Variants in CBR4 observed in about 807,000 individuals in gnomAD.
CBR4 encodes 3-oxoacyl-[acyl-carrier-protein] reductase.
CBR4 carries 22 observed loss-of-function variants against 21.0 expected under a neutral mutation model. The ratio of observed to expected loss-of-function variants is 1.05; its 90% CI spans 0.75 to 1.50. The LOEUF (loss-of-function observed/expected upper bound fraction) is 1.50, where lower values mean the gene tolerates loss of function less well. Ranked by LOEUF, CBR4 falls within the 40% of genes most tolerant of loss-of-function variation. The pLI is 0.00. For synonymous variants in CBR4, 100 were observed against 104.4 expected (o/e 0.96, Z 0.26); for missense variants, 302 against 286.3 (o/e 1.05, Z -0.40).
At chr4:168,926,509 C>A (rs1021376806) in intron 2 of CBR4, 2 of 657,488 alleles carry the variant, frequency 3.0e-6, no homozygotes, top group Non-Finnish European at 5.0e-6. Flanking sequence ...AAAAAAACAC[C>A]AAAATAATAT....
downstream of CBR4, among the ~76,000 whole-genome samples, chr4:168,984,634 A>G (rs529403229): frequency 6.6e-6 from 1 of 152,358 alleles, no homozygotes; most frequent in South Asian, 2.1e-4. Flanking sequence ...ACAAAGCTGG[A>G]GGCATCACAC....
chr4:168,982,296 C>G (rs1355188981), intron 2 of CBR4, among the ~76,000 whole-genome samples: 1 of 151,960 alleles, frequency 6.6e-6, no homozygotes, highest in African/African-American at 2.4e-5. Flanking sequence ...AACTTTAAAC[C>G]AACAATGATC....
chr4:168,934,235 C>G (rs1400567574), intron 2 of CBR4, among the ~76,000 whole-genome samples: 2 of 117,076 alleles, frequency 1.7e-5, no homozygotes, highest in African/African-American at 6.4e-5. Context: ...CTGGCAAGAC[C>G]CAGTCTCCAA....
chr4:168,903,257 C>T (rs908192589), intron 2 of CBR4, among the ~76,000 whole-genome samples: 4 of 152,186 alleles, frequency 2.6e-5, no homozygotes, highest in Non-Finnish European at 5.9e-5. Context: ...TCCCTACCAA[C>T]CTCTTTTATT....
At chr4:168,919,625 A>C (rs1761018462) in intron 2 of CBR4, among the ~76,000 whole-genome samples, 1 of 151,982 alleles carries the variant, frequency 6.6e-6, no homozygotes, top group African/African-American at 2.4e-5. Flanking sequence ...AATCCTGACG[A>C]TAAGCCAAAC....
chr4:168,897,561 C>T (rs1029165964), intron 2 of CBR4, among the ~76,000 whole-genome samples: 62 of 152,286 alleles, frequency 4.1e-4, no homozygotes, highest in African/African-American at 1.5e-3. Context: ...ATCCTCCCAC[C>T]TCAGCCTCCC....
At chr4:168,971,553 G>T (rs1009651861) in intron 2 of CBR4, among the ~76,000 whole-genome samples, 10 of 151,544 alleles carry the variant, frequency 6.6e-5, no homozygotes, top group Non-Finnish European at 1.3e-4. Flanking sequence ...CAAAGTGCTG[G>T]GATTAGAGGC....
At chr4:168,996,061 G>A (rs1392834134) in intron 4 of CBR4, among the ~76,000 whole-genome samples, 1 of 152,136 alleles carries the variant, frequency 6.6e-6, no homozygotes, top group Admixed American at 6.5e-5. Context: ...TAGAAGATAA[G>A]GGTGTGATTT....
intron 2 of CBR4, chr4:168,924,958 A>T: frequency 6.2e-7 from 1 of 1,614,168 alleles, no homozygotes; most frequent in Non-Finnish European, 8.5e-7. Context: ...GCACCAGGAC[A>T]ACCACGGCTA....
intron 1 of CBR4, among the ~76,000 whole-genome samples, chr4:169,008,743 T>C (rs1731132112): frequency 6.6e-6 from 1 of 152,164 alleles, no homozygotes; most frequent in Admixed American, 6.5e-5. Flanking sequence ...ACTGATGGCT[T>C]GGGGTGACAC....
At chr4:168,917,542 T>A (rs1478617001) in intron 2 of CBR4, among the ~76,000 whole-genome samples, 2 of 152,196 alleles carry the variant, frequency 1.3e-5, no homozygotes, top group African/African-American at 2.4e-5. Flanking sequence ...TGTTTACTGA[T>A]CTTAAATTTA....
rs1762581825 is a variant in CBR4 at position 168,926,377 on chromosome 4, G to A, written n.170-31612C>T. The A allele has an allele frequency of 1.3e-6, 2 of 1,536,622 alleles. No individual in the cohort carries two copies. The highest frequency in any genetic ancestry group is 8.7e-7 in the Non-Finnish European group (1 of 1,146,350). On this transcript the variant is annotated intron_variant and non_coding_transcript_variant, in intron 2 of 3. Coordinates refer to the CBR4 transcript ENST00000509108. ...GAATACTGCCTTGGTAGAAAGTGAGGACCTGTAATCCAGCATTCTTGTTAA... is the reference window on the plus strand; with the variant it reads ...GAATACTGCCTTGGTAGAAAGTGAGAACCTGTAATCCAGCATTCTTGTTAA...
intron 4 of CBR4, among the ~76,000 whole-genome samples, chr4:168,999,382 A>T (rs1730216227): frequency 6.6e-6 from 1 of 152,108 alleles, no homozygotes; most frequent in Non-Finnish European, 1.5e-5. Flanking sequence ...TAAAGTTGGT[A>T]AGTAATCCAC....
chr4:168,895,283 G>A (rs1013049410), intron 2 of CBR4, among the ~76,000 whole-genome samples: 1 of 152,220 alleles, frequency 6.6e-6, no homozygotes, highest in Non-Finnish European at 1.5e-5. Context: ...TCGGGAAGCT[G>A]AGGCAGGAGA....
intron 2 of CBR4, among the ~76,000 whole-genome samples, chr4:168,973,132 T>C (rs1764262184): frequency 6.6e-6 from 1 of 152,230 alleles, no homozygotes; most frequent in South Asian, 2.1e-4. Flanking sequence ...ATACACTTGA[T>C]CATGGTGCAT....
chr4:168,936,945 AC>A (rs1239247959), intron 2 of CBR4, among the ~76,000 whole-genome samples: 17 of 152,018 alleles, frequency 1.1e-4, no homozygotes, highest in Non-Finnish European at 1.8e-4. Context: ...AAACAAAGAT[AC>A]TCCTCGAGAA....
chr4:169,004,371 ACATT>A (rs774577124), intron 3 of CBR4, among the ~76,000 whole-genome samples: 1 of 152,246 alleles, frequency 6.6e-6, no homozygotes. Context: ...AAAATTTGCC[ACATT>A]GATTGACTCT....
chr4:168,996,663 T>G (rs1254126222), intron 4 of CBR4, among the ~76,000 whole-genome samples: 2 of 152,210 alleles, frequency 1.3e-5, no homozygotes, highest in African/African-American at 2.4e-5. Context: ...ACCATTACAG[T>G]AGCAGACAGA....
In CBR4 at chr4:168,990,228, C is replaced by G. The variant is rs370169563; in HGVS notation, c.636G>C (p.Ala212=). 7 of 1,613,540 alleles carry G rather than the reference C, an allele frequency of 4.3e-6. No homozygotes were observed. Among genetic ancestry groups the G allele is most frequent in the Admixed American group, 1.7e-5 (1 of 59,972 alleles). ...ACGGTGATTCTAAAAGAAACACAAC[C>G]GCATGTGCCACCTCAATAGTTTCTC... The part of the protein sequence containing the change: ...RFGETIEVAH[A]VVFLLESPYI... The change falls in exon 5 of 5, where the codon GCG becomes GCC. Residue 212 remains alanine (A), a synonymous_variant. Coordinates refer to ENST00000306193, the MANE Select transcript of CBR4 (RefSeq NM_032783.5).
Sources: allele counts gnomAD v4.1 joint callset (sites outside exome capture counted in the v4.1 genomes callset), GRCh38; gene constraint gnomAD v4.1.1; transcripts MANE v1.5; gene names NCBI Gene and HGNC (gene_info 2026-07-23, HGNC 2026-07-21).